Variants in SERPINB12 observed in about 807,000 individuals in gnomAD.
The protein encoded by SERPINB12 is serpin B12.
A neutral mutation model predicts 41.1 loss-of-function variants in SERPINB12; 57 were observed. The ratio of observed to expected loss-of-function variants is 1.39; its 90% CI spans 1.12 to 1.73. The LOEUF (loss-of-function observed/expected upper bound fraction) is 1.73. Ranked by LOEUF, SERPINB12 falls within the 40% of genes most tolerant of loss-of-function variation. The pLI is 0.00. For synonymous variants in SERPINB12, 180 were observed against 181.3 expected (o/e 0.99, Z 0.06); for missense variants, 536 against 501.9 (o/e 1.07, Z -0.65).
At chr18:63,546,943 CA>C (rs1258594408) in intron 1 of SERPINB12, among the ~76,000 whole-genome samples, 1 of 152,114 alleles carries the variant, frequency 6.6e-6, no homozygotes, top group Non-Finnish European at 1.5e-5. Flanking sequence ...ACTCTGAGGG[CA>C]AGAAGGTAAA....
intron 1 of SERPINB12, among the ~76,000 whole-genome samples, chr18:63,545,331 G>A (rs180720768): frequency 6.6e-6 from 1 of 151,996 alleles, no homozygotes; most frequent in East Asian, 1.9e-4. Context: ...AGAGAGGCTC[G>A]CTTTCTTCAG....
rs770534987 is a variant in SERPINB12, at chr18:63,566,716, A to G, written c.983A>G (p.Tyr328Cys). 1.7e-5 allele frequency: 27 copies of G among 1,614,046 alleles called. No individual in the cohort carries two copies. Among genetic ancestry groups the G allele is most frequent in the Middle Eastern group, 1.6e-4 (1 of 6,084 alleles). Residue 328 changes from tyrosine to cysteine, a missense_variant, in exon 8 of 8, where the codon TAT (tyrosine) becomes TGT (cysteine). Transcript: ENST00000382768. ...CCCCGGTTCACCCTGGAAGACAGCT[A>G]TGATCTCAATTCCATTTTACAAGAC... is the stretch of plus-strand genomic sequence containing the variant. ...SFPRFTLEDS[Y>C]DLNSILQDMG...
At chr18:63,559,058 C>CTTTTTCTT (rs778900558) in intron 3 of SERPINB12, among the ~76,000 whole-genome samples, 12 of 107,400 alleles carry the variant, frequency 1.1e-4, no homozygotes, top group Non-Finnish European at 2.4e-4. Flanking sequence ...TTCTTTCTTT[C>CTTTTTCTT]TCTCCTTCTT....
chr18:63,538,091 G>C (rs983327382), upstream of SERPINB12, among the ~76,000 whole-genome samples: 18 of 152,242 alleles, frequency 1.2e-4, no homozygotes, highest in African/African-American at 4.3e-4. Flanking sequence ...ATGGAAATAA[G>C]ATATGAAAGT....
chr18:63,522,319 AAG>A, the SERPINB12 span, among the ~76,000 whole-genome samples: 11 of 152,248 alleles, frequency 7.2e-5, no homozygotes, highest in South Asian at 6.2e-4. Context: ...CTTTTATAAA[AAG>A]AGGAGATTCT....
chr18:63,558,602 A>G (rs1910762323), intron 3 of SERPINB12, 116 bp downstream of exon 3: 8 of 1,118,428 alleles, frequency 7.2e-6, no homozygotes, highest in Non-Finnish European at 9.9e-6. Context: ...GATACCATCA[A>G]CAGCAATAAC....
At chr18:63,523,838 C>G in the SERPINB12 span, among the ~76,000 whole-genome samples, 1 of 152,156 alleles carries the variant, frequency 6.6e-6, no homozygotes, top group South Asian at 2.1e-4. Flanking sequence ...GGTACTTTCT[C>G]AAGGACAGAA....
intron 6 of SERPINB12, among the ~76,000 whole-genome samples, chr18:63,565,059 C>A (rs117433560): frequency 6.6e-6 from 1 of 151,960 alleles, no homozygotes; most frequent in African/African-American, 2.4e-5. Context: ...TGGTGGTCCA[C>A]GCCTGTGGCC....
upstream of SERPINB12, among the ~76,000 whole-genome samples, chr18:63,539,259 A>G (rs899838407): frequency 2.6e-5 from 4 of 152,172 alleles, no homozygotes; most frequent in African/African-American, 9.6e-5. Context: ...TGAAAAAAGA[A>G]AGCATGGCCT....
intron 4 of SERPINB12, 107 bp downstream of exon 4, chr18:63,559,825 C>A: frequency 8.8e-7 from 1 of 1,132,960 alleles, no homozygotes; most frequent in Non-Finnish European, 1.3e-6. Context: ...ACCTCTTTGA[C>A]AGGATGATGC....
rs201119424 is a variant in SERPINB12, at chr18:63,544,225, A to G, written c.-19+1733A>G. On this transcript the variant is annotated intron_variant, in intron 1 of 7. Transcript: ENST00000382768. ...GTTTCGTTCCAATAAAACTTTATTTACAAAAACAGGCAGAGGGCTGGATTT... is the reference window on the plus strand; with the variant it reads ...GTTTCGTTCCAATAAAACTTTATTTGCAAAAACAGGCAGAGGGCTGGATTT... Among the ~76,000 whole-genome samples the G allele has an allele frequency of 8.5e-5, 13 of 152,330 alleles. No individual in the cohort carries two copies. The East Asian group carries it at 2.5e-3, about 29-fold the overall frequency.
chr18:63,565,537 G>C lies in SERPINB12; in HGVS notation c.798G>C (p.Arg266Ser), dbSNP rs1213491448. The C allele has an allele frequency of 6.2e-7, 1 of 1,614,108 alleles. No individual in the cohort carries two copies. Among genetic ancestry groups the C allele is most frequent in the East Asian group, 2.2e-5 (1 of 44,878 alleles). Residue 266 changes from arginine (R) to serine (S), a missense_variant, in exon 7 of 8, where the codon AGG (arginine) becomes AGC (serine). Coordinates refer to ENST00000382768, the MANE Select transcript of SERPINB12 (RefSeq NM_001307928.2). Reference protein sequence around the residue: ...EEVKAQILEMRYTKGKLSMFV... With the variant: ...EEVKAQILEMSYTKGKLSMFV... ...TGAAGGCACAGATCCTGGAAATGAG[G>C]TACACCAAGGGGAAGCTCAGCATGT...
intron 1 of SERPINB12, among the ~76,000 whole-genome samples, chr18:63,551,298 A>C (rs1033118651): frequency 6.6e-6 from 1 of 151,704 alleles, no homozygotes; most frequent in Non-Finnish European, 1.5e-5. Context: ...CAAAAAAAAC[A>C]AAAAAAAGAA....
chr18:63,564,215 C>G lies in SERPINB12; in HGVS notation c.705+95C>G. ...TGTATACTCGAAAAGTTACAGCTTA[C>G]ATTTACAATAAGAACATTTTTCGTT... On this transcript the variant is annotated intron_variant, in intron 6 of 7. Coordinates refer to ENST00000382768, the MANE Select transcript of SERPINB12 (RefSeq NM_001307928.2). 3.8e-6 allele frequency: 5 copies of G among 1,309,358 alleles called. No individual in the cohort carries two copies. In the South Asian group the frequency reaches 7.4e-5, roughly 20 times the overall value. The allele number at this position is 1,309,358 out of a possible 1,614,324, so 81.1% of individuals were successfully genotyped here.
the SERPINB12 span, among the ~76,000 whole-genome samples, chr18:63,530,016 G>T: frequency 6.6e-6 from 1 of 152,140 alleles, no homozygotes; most frequent in South Asian, 2.1e-4. Context: ...AGGGAAAAAA[G>T]CTATCTAAGT....
chr18:63,551,954 A>C (rs1910541617), intron 1 of SERPINB12, among the ~76,000 whole-genome samples: 1 of 152,228 alleles, frequency 6.6e-6, no homozygotes, highest in Admixed American at 6.5e-5. Flanking sequence ...AAGTGTTGCC[A>C]GGGAAGAAGG....
the SERPINB12 span, among the ~76,000 whole-genome samples, chr18:63,529,683 GTA>G: frequency 2.0e-5 from 3 of 152,090 alleles, no homozygotes; most frequent in African/African-American, 4.8e-5. Context: ...GGAGTGCTGT[GTA>G]TGTGTGTGTG....
chr18:63,566,979 A>G lies in SERPINB12; in HGVS notation c.1246A>G (p.Ile416Val), dbSNP rs748757845. ...CATTAGACACAACAAAACCCAAACC[A>G]TTCTCTTTTATGGCAGGGTCTGCTC... The part of the protein sequence containing the change: ...FFIRHNKTQT[I>V]LFYGRVCSP The change falls in exon 8 of 8, where the codon ATT becomes GTT. Residue 416 changes from isoleucine to valine, a missense_variant. Physicochemically the swap from Ile to Val is conservative, Grantham distance 29. Transcript: ENST00000382768. 1.2e-6 allele frequency: 2 copies of G among 1,606,426 alleles called. No homozygotes were observed. The highest frequency in any genetic ancestry group is 1.7e-6 in the Non-Finnish European group (2 of 1,177,060).
At chr18:63,559,553 C>G in intron 3 of SERPINB12, 25 bp from the exon 4 acceptor site, 4 of 1,612,724 alleles carry the variant, frequency 2.5e-6, no homozygotes, top group Non-Finnish European at 3.4e-6. Context: ...CAGTGAAGGT[C>G]ACATTTTGTT....
Sources: allele counts gnomAD v4.1 joint callset (sites outside exome capture counted in the v4.1 genomes callset), GRCh38; gene constraint gnomAD v4.1.1; transcripts MANE v1.5; gene names NCBI Gene and HGNC (gene_info 2026-07-23, HGNC 2026-07-21).